The following ULK4 variants were observed in gnomAD, a reference collection of about 807,000 sequenced individuals.
ULK4 encodes unc-51 like kinase 4.
A neutral mutation model predicts 160.6 loss-of-function variants in ULK4; 133 were observed. That is an observed-to-expected ratio of 0.83 (90% CI 0.72 to 0.96). The LOEUF is 0.96. Ranked by LOEUF, ULK4 falls within the 40% of genes least tolerant of loss-of-function variation. The probability of loss-of-function intolerance (pLI) is 0.00; values close to 1 mark genes in which losing one functional copy is unlikely to be tolerated. For missense variants in ULK4, 1,580 were observed against 1,499.5 expected, an observed-to-expected ratio of 1.05 and a Z score of -0.89; for synonymous variants, 534 against 539.8, an observed-to-expected ratio of 0.99 and a Z score of 0.15.
intron 32 of ULK4, among the ~76,000 whole-genome samples, chr3:41,468,327 T>G (rs1215819946): frequency 6.6e-6 from 1 of 152,078 alleles, no homozygotes; most frequent in African/African-American, 2.4e-5. Flanking sequence ...AGTCAAAGAC[T>G]GAGGGTCGAG....
At chr3:41,908,912 G>A (rs1698672758) in intron 11 of ULK4, among the ~76,000 whole-genome samples, 1 of 151,978 alleles carries the variant, frequency 6.6e-6, no homozygotes, top group East Asian at 2.0e-4. Context: ...GGCCAATATG[G>A]CAAAACCCCA....
intron 21 of ULK4, among the ~76,000 whole-genome samples, chr3:41,781,209 A>G (rs1219858489): frequency 6.6e-6 from 1 of 152,152 alleles, no homozygotes. Flanking sequence ...CATTTATGAG[A>G]AGGTCAGGAA....
At chr3:41,822,666 G>A (rs1027705949) in intron 18 of ULK4, among the ~76,000 whole-genome samples, 26 of 149,180 alleles carry the variant, frequency 1.7e-4, no homozygotes, top group African/African-American at 6.0e-4. Flanking sequence ...TGATCCACCC[G>A]CCTCAGCCTC....
In ULK4 at chr3:41,413,338, G is replaced by A. The variant is rs376637737; in HGVS notation, c.3493-15074C>T. 2.5e-3 allele frequency among the ~76,000 whole-genome samples: 382 copies of A among 152,216 alleles called. 3 individuals are homozygous for A. The highest frequency in any genetic ancestry group is 0.01 in the Middle Eastern group (3 of 294). ...AGCCATATCAGGCGTGAATATAAAA[G>A]CTGAAACTATAAAATTTCTAAGAGA... On this transcript the variant is annotated intron_variant, in intron 34 of 36. Transcript: ENST00000301831.
chr3:41,586,032 C>A (rs143768411), intron 31 of ULK4, among the ~76,000 whole-genome samples: 3,497 of 152,212 alleles, frequency 0.023, 58 homozygotes, highest in Middle Eastern at 0.037. Context: ...AACTGGAACC[C>A]CTGTACACTG....
At chr3:41,749,702 G>GA (rs2125891621) in intron 22 of ULK4, among the ~76,000 whole-genome samples, 1 of 152,280 alleles carries the variant, frequency 6.6e-6, no homozygotes, top group East Asian at 1.9e-4. Context: ...AAGTGAGTTT[G>GA]AAGACATAAT....
chr3:41,486,312 A>G (rs1465207923), intron 32 of ULK4, among the ~76,000 whole-genome samples: 3 of 152,322 alleles, frequency 2.0e-5, no homozygotes, highest in Middle Eastern at 3.4e-3. Context: ...TGACCAAAGA[A>G]GGCTTCATTC....
intron 35 of ULK4, among the ~76,000 whole-genome samples, chr3:41,332,114 C>G (rs2080454205): frequency 6.6e-6 from 1 of 151,814 alleles, no homozygotes; most frequent in Admixed American, 6.6e-5. Context: ...ATGACTCTTT[C>G]TTTAGTACCC....
chr3:41,873,633 A>T (rs1697196284), intron 17 of ULK4, among the ~76,000 whole-genome samples: 2 of 152,148 alleles, frequency 1.3e-5, no homozygotes, highest in African/African-American at 4.8e-5. Context: ...AGCTCACTGC[A>T]ACCTCTGCCT....
intron 22 of ULK4, among the ~76,000 whole-genome samples, chr3:41,730,123 A>C (rs1257132615): frequency 6.6e-6 from 1 of 152,184 alleles, no homozygotes; most frequent in Non-Finnish European, 1.5e-5. Flanking sequence ...CAATATACTA[A>C]AAGCTATGGG....
intron 32 of ULK4, among the ~76,000 whole-genome samples, chr3:41,512,699 CA>C (rs2085620429): frequency 6.6e-6 from 1 of 152,096 alleles, no homozygotes; most frequent in Non-Finnish European, 1.5e-5. Context: ...ACCATACTGC[CA>C]AAAGCAATCT....
At chr3:41,446,853 T>C (rs1350994642) in intron 34 of ULK4, among the ~76,000 whole-genome samples, 2 of 151,330 alleles carry the variant, frequency 1.3e-5, no homozygotes, top group Non-Finnish European at 2.9e-5. Flanking sequence ...GTTGTGCACA[T>C]GTACCATAAA....
At chr3:41,616,787 C>T (rs72862121) in intron 30 of ULK4, among the ~76,000 whole-genome samples, 9,318 of 152,196 alleles carry the variant, frequency 0.061, 965 homozygotes, top group African/African-American at 0.21. Flanking sequence ...TAGACAGAAC[C>T]GTTCACTCCC....
chr3:41,386,593 G>A (rs547064404), intron 35 of ULK4, among the ~76,000 whole-genome samples: 2 of 152,198 alleles, frequency 1.3e-5, no homozygotes, highest in Non-Finnish European at 2.9e-5. Context: ...GACCCTTTGC[G>A]TTCCATTTGT....
chr3:41,384,852 T>A (rs2081764201), intron 35 of ULK4, among the ~76,000 whole-genome samples: 1 of 152,164 alleles, frequency 6.6e-6, no homozygotes, highest in African/African-American at 2.4e-5. Flanking sequence ...CCCAAAGTAC[T>A]GGGATTACAG....
At chr3:41,490,618 T>C (rs1172333906) in intron 32 of ULK4, among the ~76,000 whole-genome samples, 1 of 152,206 alleles carries the variant, frequency 6.6e-6, no homozygotes, top group Non-Finnish European at 1.5e-5. Flanking sequence ...CCAACTAGAC[T>C]GCAAGCTCCT....
intron 34 of ULK4, among the ~76,000 whole-genome samples, chr3:41,411,762 C>A (rs2082413567): frequency 2.0e-5 from 3 of 152,126 alleles, no homozygotes; most frequent in Admixed American, 1.3e-4. Context: ...CTCTTTCAAC[C>A]AATTGCCAAT....
chr3:41,426,108 G>GA (rs2082770366), intron 34 of ULK4, among the ~76,000 whole-genome samples: 1 of 151,988 alleles, frequency 6.6e-6, no homozygotes, highest in Admixed American at 6.6e-5. Context: ...ATGGTAAGCA[G>GA]AAAAAATCAG....
At chr3:41,374,339 G>C (rs1293382456) in intron 35 of ULK4, among the ~76,000 whole-genome samples, 9 of 152,072 alleles carry the variant, frequency 5.9e-5, no homozygotes, top group Non-Finnish European at 8.8e-5. Flanking sequence ...AACAAAAAGA[G>C]AAAATTTCAG....
Sources: allele counts gnomAD v4.1 joint callset (sites outside exome capture counted in the v4.1 genomes callset), GRCh38; gene constraint gnomAD v4.1.1; transcripts MANE v1.5; gene names NCBI Gene and HGNC (gene_info 2026-07-23, HGNC 2026-07-21).